Variants in GRIK4 observed in about 807,000 individuals in gnomAD.
The protein encoded by GRIK4 is glutamate receptor ionotropic, kainate 4.
In GRIK4, 40 loss-of-function variants were observed where a neutral mutation model predicts 104.9. The observed-to-expected ratio is 0.38, with a 90% CI of 0.30 to 0.50. The LOEUF (loss-of-function observed/expected upper bound fraction) is 0.50. GRIK4 is among the 20% of genes least tolerant of loss of function. The pLI is 0.93. For missense variants in GRIK4, 1,047 were observed against 1,308.1 expected (o/e 0.80, Z 3.08); for synonymous variants, 485 against 524.9 (o/e 0.92, Z 1.04).
intron 1 of GRIK4, among the ~76,000 whole-genome samples, chr11:120,590,240 AC>A (rs956678242): frequency 2.6e-5 from 4 of 151,828 alleles, no homozygotes; most frequent in Admixed American, 6.6e-5. Flanking sequence ...TTGACCTTAC[AC>A]CTTACCCCTG....
intron 3 of GRIK4, among the ~76,000 whole-genome samples, chr11:120,706,694 C>T (rs113256754): frequency 0.013 from 1,997 of 152,292 alleles, 40 homozygotes; most frequent in African/African-American, 0.043. Context: ...TAGTCTGCTG[C>T]ATGCAGTATC....
At chr11:120,758,960 C>T (rs144005659) in intron 3 of GRIK4, among the ~76,000 whole-genome samples, 1 of 152,066 alleles carries the variant, frequency 6.6e-6, no homozygotes, top group Admixed American at 6.5e-5. Context: ...GGCTTATATC[C>T]AAGACTAGCA....
intron 3 of GRIK4, among the ~76,000 whole-genome samples, chr11:120,675,578 A>C (rs12225737): frequency 0.16 from 23,689 of 152,116 alleles, 2,006 homozygotes; most frequent in South Asian, 0.23. Flanking sequence ...TTTTTTATTT[A>C]TTTAAAAAAT....
intron 3 of GRIK4, among the ~76,000 whole-genome samples, chr11:120,802,039 T>C (rs1454375694): frequency 1.3e-5 from 2 of 152,238 alleles, no homozygotes; most frequent in Non-Finnish European, 2.9e-5. Context: ...ACTGATTAAA[T>C]CTGTGTGCTG....
At chr11:120,654,788 A>C (rs979994794) in intron 2 of GRIK4, among the ~76,000 whole-genome samples, 10 of 152,188 alleles carry the variant, frequency 6.6e-5, no homozygotes, top group Non-Finnish European at 1.2e-4. Flanking sequence ...CAAGGTTTAG[A>C]GATGTTAGCT....
At chr11:120,753,868 A>T (rs77173692) in intron 3 of GRIK4, among the ~76,000 whole-genome samples, 2 of 152,150 alleles carry the variant, frequency 1.3e-5, no homozygotes, top group African/African-American at 4.8e-5. Flanking sequence ...ATTTTAATGT[A>T]TTTAACCGTT....
intron 3 of GRIK4, among the ~76,000 whole-genome samples, chr11:120,671,883 A>G (rs1336114906): frequency 6.6e-6 from 1 of 152,130 alleles, no homozygotes; most frequent in African/African-American, 2.4e-5. Flanking sequence ...TAAATACAGA[A>G]TCCTTTCCTC....
chr11:120,686,564 T>C (rs537833429), intron 3 of GRIK4, among the ~76,000 whole-genome samples: 1 of 152,362 alleles, frequency 6.6e-6, no homozygotes, highest in African/African-American at 2.4e-5. Flanking sequence ...CTGCTGGTAG[T>C]GGATGGGCTG....
chr11:120,556,592 T>C (rs1166506533), intron 1 of GRIK4, among the ~76,000 whole-genome samples: 1 of 152,096 alleles, frequency 6.6e-6, no homozygotes, highest in Non-Finnish European at 1.5e-5. Flanking sequence ...TCAGCCTGGT[T>C]TCCTTTCGGC....
At chr11:120,873,276 C>T (rs1954664943) in intron 9 of GRIK4, 1 of 152,550 alleles carries the variant, frequency 6.6e-6, no homozygotes, top group African/African-American at 2.4e-5. Context: ...CAGTTCCACG[C>T]TCTGGAATGC....
chr11:120,699,201 T>G (rs1950508502), intron 3 of GRIK4, among the ~76,000 whole-genome samples: 1 of 152,130 alleles, frequency 6.6e-6, no homozygotes, highest in Non-Finnish European at 1.5e-5. Flanking sequence ...CCCACCTACC[T>G]GCCTTGATCT....
At position 120,604,472 on chromosome 11, in the gene GRIK4, C is replaced by T. The variant is rs115629156; in HGVS notation, c.-158-49213C>T. On this transcript the variant is annotated intron_variant, in intron 1 of 20. Coordinates refer to ENST00000527524, the MANE Select transcript of GRIK4 (RefSeq NM_014619.5). ...AAGGTGGCTTTCCAGATGGGCTGGC[C>T]GGCAGGTTTAAGACCTCACTGGGCT... Among the ~76,000 whole-genome samples the T allele has an allele frequency of 1.1e-3, 174 of 152,318 alleles. 1 individual carries two copies. Among genetic ancestry groups the T allele is most frequent in the African/African-American group, 4.1e-3 (172 of 41,570 alleles).
intron 1 of GRIK4, among the ~76,000 whole-genome samples, chr11:120,545,553 G>A (rs983469457): frequency 6.6e-6 from 1 of 152,166 alleles, no homozygotes; most frequent in East Asian, 1.9e-4. Flanking sequence ...TGTGTATGAG[G>A]AAAACAGACT....
At chr11:120,849,963 A>G (rs561888696) in intron 8 of GRIK4, among the ~76,000 whole-genome samples, 1 of 152,240 alleles carries the variant, frequency 6.6e-6, no homozygotes, top group Non-Finnish European at 1.5e-5. Flanking sequence ...CTGCAAGTTC[A>G]TTCCTGTGGT....
chr11:120,766,254 A>G (rs187605098), intron 3 of GRIK4, among the ~76,000 whole-genome samples: 13 of 152,298 alleles, frequency 8.5e-5, no homozygotes, highest in African/African-American at 1.9e-4. Context: ...TTACACTGTA[A>G]GGGGAAAACC....
At chr11:120,522,777 A>C (rs554701619) in intron 1 of GRIK4, among the ~76,000 whole-genome samples, 1 of 152,332 alleles carries the variant, frequency 6.6e-6, no homozygotes, top group African/African-American at 2.4e-5. Flanking sequence ...CCAGGAAGAC[A>C]ACAGCCTGTG....
intron 7 of GRIK4, among the ~76,000 whole-genome samples, chr11:120,834,139 T>C (rs1300748614): frequency 6.6e-6 from 1 of 152,216 alleles, no homozygotes; most frequent in African/African-American, 2.4e-5. Context: ...TTTTAAGGAT[T>C]CTGATATGAT....
chr11:120,572,640 G>A (rs552216955), intron 1 of GRIK4, among the ~76,000 whole-genome samples: 1 of 152,164 alleles, frequency 6.6e-6, no homozygotes, highest in East Asian at 1.9e-4. Flanking sequence ...AAGTTTTCCA[G>A]GTAGAGTGGG....
At chr11:120,831,748 G>T in intron 6 of GRIK4, 104 bp from the exon 7 acceptor site, 2 of 802,706 alleles carry the variant, frequency 2.5e-6, no homozygotes, top group Non-Finnish European at 4.1e-6. Context: ...CAGACCCCCC[G>T]ACCCCACTTC....
Sources: allele counts gnomAD v4.1 joint callset (sites outside exome capture counted in the v4.1 genomes callset), GRCh38; gene constraint gnomAD v4.1.1; transcripts MANE v1.5; gene names NCBI Gene and HGNC (gene_info 2026-07-23, HGNC 2026-07-21).